RGS22: variants seen among roughly 807,000 people sequenced by gnomAD.
RGS22 encodes regulator of G protein signaling 22.
In RGS22, 148 loss-of-function variants were observed where a neutral mutation model predicts 172.9. That is an observed-to-expected ratio of 0.86 (90% CI 0.75 to 0.98). RGS22 has a LOEUF of 0.98. Among genes scored for constraint, RGS22 ranks in the 50% least tolerant of loss-of-function variants. The pLI, the probability that RGS22 is intolerant of heterozygous loss-of-function variation, is 0.00. For missense variants in RGS22, 1,347 were observed against 1,440.8 expected, an observed-to-expected ratio of 0.93 and a Z score of 1.05; for synonymous variants, 458 against 480.2, an observed-to-expected ratio of 0.95 and a Z score of 0.60.
intron 18 of RGS22, among the ~76,000 whole-genome samples, chr8:100,000,853 C>T (rs1227330520): frequency 2.6e-5 from 4 of 152,116 alleles, no homozygotes; most frequent in South Asian, 2.1e-4. Context: ...TGCTCCCTCT[C>T]GCTCCCAAAG....
chr8:100,068,042 G>C (rs1185841541), intron 6 of RGS22, among the ~76,000 whole-genome samples: 1 of 152,018 alleles, frequency 6.6e-6, no homozygotes, highest in African/African-American at 2.4e-5. Context: ...ATAATGTAAG[G>C]GTCCAAGAAC....
chr8:100,079,506 G>A (rs969131642), intron 4 of RGS22, among the ~76,000 whole-genome samples: 5 of 152,224 alleles, frequency 3.3e-5, no homozygotes, highest in African/African-American at 1.2e-4. Flanking sequence ...TTGAATCAAT[G>A]TGAAATAGTA....
intron 23 of RGS22, among the ~76,000 whole-genome samples, chr8:99,977,610 C>T (rs1217789717): frequency 2.6e-5 from 4 of 152,054 alleles, no homozygotes; most frequent in Middle Eastern, 3.4e-3. Flanking sequence ...AGATGACAGA[C>T]GTAAAAACTT....
At chr8:100,064,187 G>T in intron 7 of RGS22, 144 bp from the exon 8 acceptor site, 2 of 577,028 alleles carry the variant, frequency 3.5e-6, no homozygotes, top group Non-Finnish European at 5.5e-6. Flanking sequence ...AGGATTCTGG[G>T]CCAGTCACGG....
At position 100,084,215 on chromosome 8, in the gene RGS22, A is replaced by T. The variant is rs1586245888; in HGVS notation, c.118-3860T>A. ...TCCATTCCAACCTCCTAAAATGCAAAGCCTGGAAAAGTAAAAACTTTATTT... is the reference window on the plus strand; with the variant it reads ...TCCATTCCAACCTCCTAAAATGCAATGCCTGGAAAAGTAAAAACTTTATTT... On this transcript the variant is annotated intron_variant, in intron 3 of 27. Transcript: ENST00000360863. 2.6e-5 allele frequency among the ~76,000 whole-genome samples: 4 copies of T among 152,286 alleles called. No homozygotes were observed. The South Asian group carries it at 8.3e-4, about 32-fold the overall frequency.
intron 3 of RGS22, among the ~76,000 whole-genome samples, chr8:100,088,351 A>G (rs962650673): frequency 1.3e-5 from 2 of 151,996 alleles, no homozygotes; most frequent in Admixed American, 6.6e-5. Flanking sequence ...ATTTGAAACC[A>G]CCCACAGAGG....
In RGS22 at chr8:100,063,762, C is replaced by A. The variant is rs763021411; in HGVS notation, c.1006G>T (p.Val336Phe). ...TTTATATAGTCTGGGGTTTCTCCAACTGGCTTTCCAACAATTTGCTGAATT... is the reference window on the plus strand; with the variant it reads ...TTTATATAGTCTGGGGTTTCTCCAAATGGCTTTCCAACAATTTGCTGAATT... ...GAIQQIVGKPVGETPDYINFN... is the reference protein window; with the variant it reads ...GAIQQIVGKPFGETPDYINFN... The change falls in exon 8 of 28, where the codon GTT becomes TTT. Residue 336 changes from valine to phenylalanine, a missense_variant. By Grantham distance (50) the Val-to-Phe change is conservative. Coordinates refer to ENST00000360863, the MANE Select transcript of RGS22 (RefSeq NM_015668.5). 1.7e-5 allele frequency: 27 copies of A among 1,614,094 alleles called. No homozygotes were observed. Among genetic ancestry groups the A allele is most frequent in the Non-Finnish European group, 2.3e-5 (27 of 1,179,988 alleles).
intron 10 of RGS22, among the ~76,000 whole-genome samples, chr8:100,051,844 T>TAA (rs1418465015): frequency 1.8e-5 from 1 of 56,508 alleles, no homozygotes; most frequent in African/African-American, 9.3e-5. Context: ...TGTTTATATA[T>TAA]TTATATATTT....
At chr8:100,002,474 G>A in intron 17 of RGS22, 110 bp from the exon 18 acceptor site, 1 of 974,126 alleles carries the variant, frequency 1.0e-6, no homozygotes, top group Non-Finnish European at 1.5e-6. Flanking sequence ...ATCTTGACTA[G>A]TAGCATTAGA....
intron 19 of RGS22, among the ~76,000 whole-genome samples, chr8:99,998,179 C>T (rs1210766982): frequency 2.0e-5 from 3 of 152,140 alleles, no homozygotes; most frequent in Non-Finnish European, 4.4e-5. Flanking sequence ...ACCTTGTCCA[C>T]TTGTGTGAGG....
chr8:100,028,473 GA>G (rs1189487393), intron 14 of RGS22, among the ~76,000 whole-genome samples: 46 of 141,368 alleles, frequency 3.3e-4, no homozygotes, highest in African/African-American at 1.1e-3. Context: ...AAAAAAAAAG[GA>G]AAAAAAAAGC....
intron 4 of RGS22, among the ~76,000 whole-genome samples, chr8:100,073,930 A>G (rs192900850): frequency 2.4e-4 from 37 of 152,372 alleles, no homozygotes; most frequent in Admixed American, 9.1e-4. Context: ...AAAACTCTTC[A>G]TGGTTTTAAA....
At position 99,974,598 on chromosome 8, in the gene RGS22, G is replaced by A. The variant is rs1003734839; in HGVS notation, c.3519+3319C>T. Among the ~76,000 whole-genome samples, 3 of 151,908 alleles carry A rather than the reference G, an allele frequency of 2.0e-5. 1 individual carries two copies. The highest frequency in any genetic ancestry group is 6.6e-5 in the Admixed American group (1 of 15,222). Reference sequence around the variant, plus strand: ...GTGGATCATAAGGTCAGGAGTTCGAGACCAGCCTGGCCAACATGGTGAAAC... The same window carrying A: ...GTGGATCATAAGGTCAGGAGTTCGAAACCAGCCTGGCCAACATGGTGAAAC... On this transcript the variant is annotated intron_variant, in intron 23 of 27. Coordinates refer to ENST00000360863, the MANE Select transcript of RGS22 (RefSeq NM_015668.5).
At chr8:100,085,345 T>G (rs552978574) in intron 3 of RGS22, among the ~76,000 whole-genome samples, 1 of 151,904 alleles carries the variant, frequency 6.6e-6, no homozygotes, top group African/African-American at 2.4e-5. Context: ...CCAAATGAAA[T>G]GAAAAAGACA....
rs1343877343 is a variant in RGS22, at chr8:99,962,895, C to G, written c.3699G>C (p.Lys1233Asn). Residue 1233 changes from lysine to asparagine, a missense_variant, in exon 25 of 28, where the codon AAG becomes AAC. By Grantham distance (94) the Lys-to-Asn change is moderately conservative. Transcript: ENST00000360863. Reference sequence around the variant, plus strand: ...GAAGGCAAAAATTACCTGCAAACAACTTTTTTTCTAGTTCTTCTTGGATCT... The same window carrying G: ...GAAGGCAAAAATTACCTGCAAACAAGTTTTTTTCTAGTTCTTCTTGGATCT... ...LLKIQEELEKKLFAGLQPLTN... is the reference protein window; with the variant it reads ...LLKIQEELEKNLFAGLQPLTN... The G allele has an allele frequency of 1.9e-6, 3 of 1,597,314 alleles. No homozygotes were observed. Among genetic ancestry groups the G allele is most frequent in the Non-Finnish European group, 2.6e-6 (3 of 1,176,152 alleles).
At chr8:100,097,958 C>G (rs868746072) in intron 2 of RGS22, among the ~76,000 whole-genome samples, 1 of 152,236 alleles carries the variant, frequency 6.6e-6, no homozygotes, top group African/African-American at 2.4e-5. Flanking sequence ...CTCCTGCCCA[C>G]TGTCCAGCCT....
chr8:100,059,628 T>G (rs1809944822), intron 9 of RGS22, among the ~76,000 whole-genome samples: 1 of 152,082 alleles, frequency 6.6e-6, no homozygotes, highest in African/African-American at 2.4e-5. Flanking sequence ...ACTGGAGCAC[T>G]CTGATATATA....
At position 100,071,440 on chromosome 8, in the gene RGS22, T is replaced by A. The variant is rs1810967703; in HGVS notation, c.523A>T (p.Ser175Cys). ...FSPWIVKKPP[S>C]LPPPATEEDN... is the part of the protein sequence containing the mutation. ...TCTTCAGTGGCAGGAGGTGGTAGAC[T>A]GGGTGGTTTTTTCACGATCCAGGGA... The change falls in exon 6 of 28, where the codon AGT becomes TGT. Residue 175 changes from serine to cysteine, a missense_variant. By Grantham distance (112) the Ser-to-Cys change is moderately radical. Coordinates refer to ENST00000360863, the MANE Select transcript of RGS22 (RefSeq NM_015668.5). 1.2e-6 allele frequency: 2 copies of A among 1,613,424 alleles called. No individual in the cohort carries two copies. Among genetic ancestry groups the A allele is most frequent in the Non-Finnish European group, 1.7e-6 (2 of 1,179,568 alleles).
At position 99,987,446 on chromosome 8, in the gene RGS22, C is replaced by T. The variant is rs370094087; in HGVS notation, c.3180+12G>A. 1.3e-6 allele frequency: 2 copies of T among 1,571,342 alleles called. No individual in the cohort carries two copies. The highest frequency in any genetic ancestry group is 1.4e-5 in the African/African-American group (1 of 73,720). On this transcript the variant is annotated intron_variant, in intron 21 of 27. Coordinates refer to ENST00000360863, the MANE Select transcript of RGS22 (RefSeq NM_015668.5). ...CAAAACAGGTGGTTTTCTCTAGCTC[C>T]CAATACAATACCTTATATTTTTGTA...
Sources: allele counts gnomAD v4.1 joint callset (sites outside exome capture counted in the v4.1 genomes callset), GRCh38; gene constraint gnomAD v4.1.1; transcripts MANE v1.5; gene names NCBI Gene and HGNC (gene_info 2026-07-23, HGNC 2026-07-21).